The following PHTF2 variants were observed in gnomAD, a reference collection of about 807,000 sequenced individuals.
PHTF2 encodes protein PHTF2.
A neutral mutation model predicts 101.2 loss-of-function variants in PHTF2; 60 were observed. That is an observed-to-expected ratio of 0.59 (90% CI 0.48 to 0.73). PHTF2 has a LOEUF of 0.73. Ranked by LOEUF, PHTF2 falls within the 30% of genes least tolerant of loss-of-function variation. PHTF2 has a pLI of 0.00. For missense variants in PHTF2, 747 were observed against 908.7 expected (o/e 0.82, Z 2.29); for synonymous variants, 311 against 307.3 (o/e 1.01, Z -0.13).
chr7:77,901,394 C>T (rs1170880815), intron 6 of PHTF2, among the ~76,000 whole-genome samples: 1 of 152,106 alleles, frequency 6.6e-6, no homozygotes, highest in East Asian at 1.9e-4. Context: ...AAGCTGAAGG[C>T]AGAAGGATCT....
At chr7:77,907,453 C>A (rs1049496608) in intron 7 of PHTF2, among the ~76,000 whole-genome samples, 1 of 151,892 alleles carries the variant, frequency 6.6e-6, no homozygotes, top group Non-Finnish European at 1.5e-5. Context: ...TTTTTTTGGT[C>A]GTTAATTTTA....
intron 3 of PHTF2, among the ~76,000 whole-genome samples, chr7:77,857,489 T>C (rs1797281033): frequency 6.6e-6 from 1 of 152,146 alleles, no homozygotes; most frequent in African/African-American, 2.4e-5. Context: ...GACTAAAACA[T>C]GGAAGGAGTA....
At chr7:77,868,708 G>C (rs1481486753) in intron 3 of PHTF2, among the ~76,000 whole-genome samples, 3 of 152,096 alleles carry the variant, frequency 2.0e-5, no homozygotes, top group Non-Finnish European at 4.4e-5. Flanking sequence ...ATCCTAGGAA[G>C]GTAGCATTAG....
intron 19 of PHTF2, 40 bp downstream of exon 18, chr7:77,953,934 T>C (rs747576692): frequency 6.2e-7 from 1 of 1,600,332 alleles, no homozygotes; most frequent in South Asian, 1.1e-5. Context: ...TAGTTTCCTG[T>C]TGCATTTTTG....
intron 11 of PHTF2, among the ~76,000 whole-genome samples, chr7:77,925,336 A>G (rs1803861867): frequency 6.6e-6 from 1 of 152,130 alleles, no homozygotes; most frequent in Admixed American, 6.5e-5. Flanking sequence ...AGCAGTAGAA[A>G]CCAAAACAAA....
At chr7:77,950,119 G>A (rs1373298077) in intron 17 of PHTF2, among the ~76,000 whole-genome samples, 2 of 152,172 alleles carry the variant, frequency 1.3e-5, no homozygotes, top group African/African-American at 4.8e-5. Flanking sequence ...TTGCTTTGCA[G>A]TGTAGCAGAG....
At chr7:77,899,865 C>T (rs913427446) in intron 5 of PHTF2, among the ~76,000 whole-genome samples, 1 of 152,144 alleles carries the variant, frequency 6.6e-6, no homozygotes, top group Non-Finnish European at 1.5e-5. Context: ...AAGAGTTTAG[C>T]TTAAGCTCTT....
At chr7:77,920,369 T>G in exon 10 of PHTF2, 2 of 1,611,828 alleles carry the variant, frequency 1.2e-6, no homozygotes, top group Non-Finnish European at 1.7e-6. Context: ...TTAAAAGCGG[T>G]GAAGATGGAA....
intron 12 of PHTF2, among the ~76,000 whole-genome samples, chr7:77,937,259 A>AT (rs1424410175): frequency 1.3e-5 from 2 of 152,204 alleles, no homozygotes; most frequent in African/African-American, 4.8e-5. Context: ...TTTTTTAATG[A>AT]TCATAAGTTG....
chr7:77,925,805 C>T (rs148157949), intron 11 of PHTF2, among the ~76,000 whole-genome samples: 3 of 152,146 alleles, frequency 2.0e-5, no homozygotes, highest in Non-Finnish European at 4.4e-5. Flanking sequence ...TGCTTGTAAT[C>T]GCAGCACTTT....
chr7:77,915,746 G>A (rs529929735), intron 9 of PHTF2, among the ~76,000 whole-genome samples: 1 of 152,108 alleles, frequency 6.6e-6, no homozygotes, highest in Non-Finnish European at 1.5e-5. Context: ...CTTGCCAAGG[G>A]TGTTGCTAAG....
chr7:77,900,280 C>G (rs1024109303), intron 5 of PHTF2, among the ~76,000 whole-genome samples: 1 of 152,168 alleles, frequency 6.6e-6, no homozygotes, highest in African/African-American at 2.4e-5. Context: ...TTCTGGTCCT[C>G]AGCTGTGTGA....
intron 1 of PHTF2, among the ~76,000 whole-genome samples, chr7:77,816,803 T>C (rs560087794): frequency 2.0e-5 from 3 of 152,366 alleles, no homozygotes; most frequent in Admixed American, 6.5e-5. Context: ...CTTCTACTTA[T>C]GAGTGAGAAC....
chr7:77,949,426 A>T (rs1474115473), intron 16 of PHTF2, among the ~76,000 whole-genome samples: 1 of 152,152 alleles, frequency 6.6e-6, no homozygotes, highest in African/African-American at 2.4e-5. Context: ...ATTTCAACTG[A>T]ATCTGTAATA....
chr7:77,864,497 C>G (rs1194194166), intron 3 of PHTF2, among the ~76,000 whole-genome samples: 1 of 152,326 alleles, frequency 6.6e-6, no homozygotes, highest in African/African-American at 2.4e-5. Flanking sequence ...GCCTCATTGC[C>G]TACCCCTTTC....
intron 2 of PHTF2, among the ~76,000 whole-genome samples, chr7:77,842,062 G>A (rs1007665947): frequency 3.9e-5 from 6 of 152,080 alleles, no homozygotes; most frequent in African/African-American, 1.4e-4. Flanking sequence ...ACTGAAGTTA[G>A]CCCTGTAATT....
At chr7:77,929,155 C>T in exon 12 of PHTF2, 1 of 1,613,884 alleles carries the variant, frequency 6.2e-7, no homozygotes, top group Non-Finnish European at 8.5e-7. Flanking sequence ...TGTTCAAGTT[C>T]CAGACAGGAT....
intron 7 of PHTF2, among the ~76,000 whole-genome samples, chr7:77,905,231 A>ATTCTG (rs1448290485): frequency 1.3e-5 from 2 of 151,890 alleles, no homozygotes; most frequent in Non-Finnish European, 2.9e-5. Context: ...ATTCTATTCT[A>ATTCTG]TTCTGTTTTT....
intron 16 of PHTF2, among the ~76,000 whole-genome samples, chr7:77,948,028 G>A (rs1022862776): frequency 2.0e-5 from 3 of 151,148 alleles, no homozygotes; most frequent in African/African-American, 4.9e-5. Context: ...TAGTAGAGAC[G>A]GGGGTTTCAC....
Sources: gnomAD v4.1 joint callset for allele counts (sites outside exome capture counted in the v4.1 genomes callset) on GRCh38, gnomAD v4.1.1 for gene constraint, MANE v1.5 for transcripts, NCBI Gene and HGNC (gene_info 2026-07-23, HGNC 2026-07-21) for gene names.